The following PHF20 variants were observed in gnomAD, a reference collection of about 807,000 sequenced individuals.
The protein encoded by PHF20 is glioma-expressed antigen 2.
In PHF20, 23 loss-of-function variants were observed where a neutral mutation model predicts 113.5. That is an observed-to-expected ratio of 0.20 (90% confidence interval 0.15 to 0.29). The LOEUF (loss-of-function observed/expected upper bound fraction) is 0.29, where lower values mean the gene tolerates loss of function less well. PHF20 is among the 10% of genes least tolerant of loss of function. The probability of loss-of-function intolerance (pLI) is 1.00; values close to 1 mark genes in which losing one functional copy is unlikely to be tolerated. For synonymous variants in PHF20, 434 were observed against 457.3 expected, an observed-to-expected ratio of 0.95 and a Z score of 0.65; for missense variants, 943 against 1,219.6, an observed-to-expected ratio of 0.77 and a Z score of 3.38.
At chr20:35,901,391 G>A (rs1315031686) in intron 10 of PHF20, among the ~76,000 whole-genome samples, 2 of 146,584 alleles carry the variant, frequency 1.4e-5, no homozygotes, top group African/African-American at 5.1e-5. Context: ...CTCCAGCTTG[G>A]ATGACAGAGC....
chr20:35,866,310 C>T (rs979156512), intron 6 of PHF20, among the ~76,000 whole-genome samples: 10 of 152,316 alleles, frequency 6.6e-5, no homozygotes, highest in African/African-American at 2.4e-4. Context: ...CTGGCTTTCT[C>T]AACTGAGTTT....
At chr20:35,926,598 T>G (rs898375208) in intron 13 of PHF20, among the ~76,000 whole-genome samples, 34 of 152,310 alleles carry the variant, frequency 2.2e-4, no homozygotes, top group Admixed American at 3.9e-4. Context: ...TTTTTGTCAC[T>G]TTACATATCT....
chr20:35,912,860 T>G (rs1050468485), intron 10 of PHF20, among the ~76,000 whole-genome samples: 1 of 152,150 alleles, frequency 6.6e-6, no homozygotes, highest in Non-Finnish European at 1.5e-5. Flanking sequence ...GATTCCAGTA[T>G]GTAGCCAGGG....
At chr20:35,838,824 C>CA (rs11443640) in intron 2 of PHF20, among the ~76,000 whole-genome samples, 48,476 of 142,082 alleles carry the variant, frequency 0.34, 11,373 homozygotes, top group African/African-American at 0.68. Context: ...TCCACCTCTA[C>CA]AAAAAAAAAA....
At chr20:35,797,358 C>A (rs2041686652) in intron 1 of PHF20, among the ~76,000 whole-genome samples, 1 of 151,322 alleles carries the variant, frequency 6.6e-6, no homozygotes, top group African/African-American at 2.4e-5. Context: ...ACTAAAAATG[C>A]AAAAATTAGC....
At chr20:35,830,384 C>T (rs184212778) in intron 2 of PHF20, among the ~76,000 whole-genome samples, 90 of 152,338 alleles carry the variant, frequency 5.9e-4, no homozygotes, top group African/African-American at 2.0e-3. Context: ...TGGCTTATTT[C>T]ACTTAGCATA....
At chr20:35,829,140 G>A (rs1600795213) in intron 2 of PHF20, among the ~76,000 whole-genome samples, 1 of 152,112 alleles carries the variant, frequency 6.6e-6, no homozygotes, top group Non-Finnish European at 1.5e-5. Flanking sequence ...TTCTCACGAT[G>A]TAGCACCTGA....
At chr20:35,860,814 G>A (rs1323196828) in intron 5 of PHF20, among the ~76,000 whole-genome samples, 2 of 152,088 alleles carry the variant, frequency 1.3e-5, no homozygotes, top group Non-Finnish European at 2.9e-5. Context: ...TCCAGAATTG[G>A]CAGGTTATAT....
chr20:35,882,284 G>T (rs950076542), intron 9 of PHF20, among the ~76,000 whole-genome samples: 1 of 152,112 alleles, frequency 6.6e-6, no homozygotes, highest in Admixed American at 6.5e-5. Context: ...ATTCCATGGT[G>T]GTTACATGGT....
At chr20:35,859,850 T>G (rs2054185033) in intron 5 of PHF20, among the ~76,000 whole-genome samples, 2 of 152,078 alleles carry the variant, frequency 1.3e-5, no homozygotes, top group Admixed American at 1.3e-4. Context: ...TGGCCCTCTG[T>G]TGTGTCTTTG....
intron 17 of PHF20, among the ~76,000 whole-genome samples, chr20:35,944,683 C>T (rs1398110629): frequency 1.3e-5 from 2 of 152,144 alleles, no homozygotes; most frequent in Non-Finnish European, 2.9e-5. Flanking sequence ...GCGACTCTTC[C>T]TTCCTCAGCC....
intron 10 of PHF20, among the ~76,000 whole-genome samples, chr20:35,903,025 T>C (rs1301651702): frequency 2.0e-5 from 3 of 150,608 alleles, no homozygotes; most frequent in African/African-American, 7.3e-5. Context: ...TTTTTTCTTT[T>C]TTTTTTTTTT....
At chr20:35,946,538 C>A (rs553847698) in intron 17 of PHF20, among the ~76,000 whole-genome samples, 2 of 152,054 alleles carry the variant, frequency 1.3e-5, no homozygotes, top group African/African-American at 4.8e-5. Flanking sequence ...TGAAGCAAAT[C>A]AGAGTTTATG....
chr20:35,907,163 ATTC>A (rs766665542), intron 10 of PHF20, among the ~76,000 whole-genome samples: 13 of 152,142 alleles, frequency 8.5e-5, no homozygotes, highest in Non-Finnish European at 1.8e-4. Context: ...TGGTGATGCT[ATTC>A]TTTTCCCTCC....
At chr20:35,946,742 G>A (rs1323622045) in intron 17 of PHF20, among the ~76,000 whole-genome samples, 1 of 149,150 alleles carries the variant, frequency 6.7e-6, no homozygotes, top group Non-Finnish European at 1.5e-5. Flanking sequence ...ATGGAGTCTC[G>A]CTTTGTCGCC....
intron 14 of PHF20, among the ~76,000 whole-genome samples, chr20:35,929,462 G>A (rs892597505): frequency 6.6e-5 from 10 of 152,218 alleles, no homozygotes; most frequent in Admixed American, 5.2e-4. Flanking sequence ...CCAAGATCAC[G>A]CCACCAGCTA....
At chr20:35,831,641 G>A (rs996100917) in intron 2 of PHF20, among the ~76,000 whole-genome samples, 1 of 152,048 alleles carries the variant, frequency 6.6e-6, no homozygotes, top group African/African-American at 2.4e-5. Context: ...TTGTAGAGAC[G>A]GAGTCTTCCT....
At chr20:35,801,192 T>C (rs1200697721) in intron 1 of PHF20, among the ~76,000 whole-genome samples, 1 of 152,208 alleles carries the variant, frequency 6.6e-6, no homozygotes, top group Non-Finnish European at 1.5e-5. Context: ...AGCAGATGAC[T>C]GAATTTAACT....
At chr20:35,835,573 T>C (rs565068024) in intron 2 of PHF20, among the ~76,000 whole-genome samples, 1 of 152,178 alleles carries the variant, frequency 6.6e-6, no homozygotes, top group African/African-American at 2.4e-5. Context: ...AAACCAAATA[T>C]GATTTATTCT....
Sources: allele counts gnomAD v4.1 joint callset (sites outside exome capture counted in the v4.1 genomes callset), GRCh38; gene constraint gnomAD v4.1.1; transcripts MANE v1.5; gene names NCBI Gene and HGNC (gene_info 2026-07-23, HGNC 2026-07-21).